The following TSC22D1 variants were observed in gnomAD, a reference collection of about 807,000 sequenced individuals.
TSC22D1 encodes TSC22 domain family member 1, also known as TSC22 domain family protein 1.
A neutral mutation model predicts 74.2 loss-of-function variants in TSC22D1; 9 were observed. The observed-to-expected ratio is 0.12, with a 90% CI of 0.07 to 0.21. The LOEUF is 0.21. Ranked by LOEUF, TSC22D1 falls within the 10% of genes least tolerant of loss-of-function variation. The pLI, the probability that TSC22D1 is intolerant of heterozygous loss-of-function variation, is 1.00. For missense variants in TSC22D1, 1,427 were observed against 1,304.7 expected (o/e 1.09, Z -1.44); for synonymous variants, 586 against 492.5 (o/e 1.19, Z -2.51).
chr13:44,476,755 C>T (rs1018635342), intron 1 of TSC22D1, among the ~76,000 whole-genome samples: 3 of 152,154 alleles, frequency 2.0e-5, no homozygotes, highest in African/African-American at 7.2e-5. Context: ...TGGCTCACTG[C>T]AGCCTCAACC....
chr13:44,572,327 T>C (rs1883825352), intron 1 of TSC22D1, among the ~76,000 whole-genome samples: 1 of 152,236 alleles, frequency 6.6e-6, no homozygotes, highest in South Asian at 2.1e-4. Flanking sequence ...GGTTTAATAA[T>C]GTACTTTAGG....
intron 1 of TSC22D1, among the ~76,000 whole-genome samples, chr13:44,468,000 G>GCACACACA (rs754334721): frequency 8.7e-6 from 1 of 115,058 alleles, no homozygotes; most frequent in South Asian, 2.7e-4. Flanking sequence ...ATACACACAC[G>GCACACACA]CGCACACACA....
intron 1 of TSC22D1, chr13:44,539,801 T>C (rs1881357377): frequency 7.8e-7 from 1 of 1,288,614 alleles, no homozygotes; most frequent in African/African-American, 1.5e-5. Context: ...CTCCAGAAGC[T>C]GGATATTCTG....
chr13:44,546,189 C>T (rs985484626), intron 1 of TSC22D1, among the ~76,000 whole-genome samples: 31 of 151,980 alleles, frequency 2.0e-4, no homozygotes, highest in African/African-American at 7.3e-4. Context: ...TCTGATCAAG[C>T]AAGAATCATC....
chr13:44,437,113 T>A, intron 1 of TSC22D1: 1 of 983,988 alleles, frequency 1.0e-6, no homozygotes. Context: ...ACTGGGCCAT[T>A]GCTTCGGCAG....
At chr13:44,549,391 G>T (rs1303940461) in intron 1 of TSC22D1, among the ~76,000 whole-genome samples, 1 of 152,068 alleles carries the variant, frequency 6.6e-6, no homozygotes, top group African/African-American at 2.4e-5. Flanking sequence ...CAGCAATTGA[G>T]CCTAAAGTGA....
At chr13:44,509,225 T>C (rs1879574310) in intron 1 of TSC22D1, among the ~76,000 whole-genome samples, 1 of 152,102 alleles carries the variant, frequency 6.6e-6, no homozygotes. Context: ...TCAATACCAG[T>C]GAATTCTGAA....
chr13:44,539,611 GAATGAGTACTAGTTAGCATTCTCAGA>G (rs1410370879), intron 1 of TSC22D1: 50 of 985,150 alleles, frequency 5.1e-5, no homozygotes, highest in Non-Finnish European at 5.7e-5. Flanking sequence ...TCTCATTTTT[GAATGAGTACTAGTTAGCATTCTCAGA>G]AAAACAAAAC....
At chr13:44,456,501 A>G (rs1876657175) in intron 1 of TSC22D1, among the ~76,000 whole-genome samples, 1 of 152,132 alleles carries the variant, frequency 6.6e-6, no homozygotes, top group Non-Finnish European at 1.5e-5. Context: ...CAGAGCACTG[A>G]TTGGTGCGTT....
chr13:44,488,229 T>C (rs981485005), intron 1 of TSC22D1, among the ~76,000 whole-genome samples: 3 of 152,118 alleles, frequency 2.0e-5, no homozygotes, highest in African/African-American at 7.2e-5. Flanking sequence ...TCTAATACAA[T>C]AGCTACTAGC....
rs746865790 is a variant in TSC22D1, at chr13:44,575,563, C to G, written c.512G>C (p.Ser171Thr). Residue 171 changes from serine to threonine, a missense_variant, in exon 1 of 3, where the codon AGC becomes ACC. By Grantham distance (58) the Ser-to-Thr change is moderately conservative. This residue lies in a region of TSC22D1 where 1,343 missense variants were observed against 1,191.5 expected (regional missense o/e 1.13). Transcript: ENST00000458659. Reference protein sequence around the residue: ...RATDLGEPERSSSEETLNNFQ... With the variant: ...RATDLGEPERTSSEETLNNFQ... ...GTTATTTAGGGTCTCTTCTGAGGAGCTGCGTTCGGGCTCCCCTAAGTCAGT... is the reference window on the plus strand; with the variant it reads ...GTTATTTAGGGTCTCTTCTGAGGAGGTGCGTTCGGGCTCCCCTAAGTCAGT... 1 of 1,614,046 alleles carries G rather than the reference C, an allele frequency of 6.2e-7. No homozygotes were observed. The highest frequency in any genetic ancestry group is 8.5e-7 in the Non-Finnish European group (1 of 1,180,030).
rs1016266101 is a variant in TSC22D1 at position 44,433,782 on chromosome 13, C to A, written c.*844G>T. 3.8e-6 allele frequency: 2 copies of A among 526,772 alleles called. No homozygotes were observed. Among genetic ancestry groups the A allele is most frequent in the African/African-American group, 4.0e-5 (2 of 49,668 alleles). 32.6% of individuals were successfully genotyped at this position (526,772 alleles called of 1,614,324 possible). On this transcript the variant is annotated 3_prime_UTR_variant, in exon 3 of 3. Coordinates refer to ENST00000458659, the MANE Select transcript of TSC22D1 (RefSeq NM_183422.4). ...TTCAGCAGCTAGATTTCAGATTACA[C>A]AAAGTGAGTAACTGTGCCAAATTCT...
At chr13:44,563,008 G>A (rs1188113943) in intron 1 of TSC22D1, among the ~76,000 whole-genome samples, 1 of 151,956 alleles carries the variant, frequency 6.6e-6, no homozygotes, top group African/African-American at 2.4e-5. Context: ...GGGAGGCTAA[G>A]GCAGGAGAAT....
rs1301690743 is a variant in TSC22D1, at chr13:44,459,244, C to T, written c.2913-23149G>A. Among the ~76,000 whole-genome samples, 3 of 152,156 alleles carry T rather than the reference C, an allele frequency of 2.0e-5. No homozygotes were observed. In the South Asian group the frequency reaches 6.2e-4, roughly 32 times the overall value. On this transcript the variant is annotated intron_variant, in intron 1 of 2. Coordinates refer to ENST00000458659, the MANE Select transcript of TSC22D1 (RefSeq NM_183422.4). ...AGGAGCGACCCACTTGGGGTCTGCT[C>T]GACTTGTGGGGAATGACCTGCCTGT...
Position 44,576,194 on chromosome 13 carries a change from C to T in TSC22D1, c.-120G>A, listed in dbSNP as rs914211172. Reference sequence around the variant, plus strand: ...GACGCTCCGCCTGGCGCGATTCCTCCTTCTCCTCCTCCTCAGCCAAAGGCG... The same window carrying T: ...GACGCTCCGCCTGGCGCGATTCCTCTTTCTCCTCCTCCTCAGCCAAAGGCG... On this transcript the variant is annotated 5_prime_UTR_variant, in exon 1 of 3. Transcript: ENST00000458659. The T allele has an allele frequency of 4.6e-5, 63 of 1,355,840 alleles. No individual in the cohort carries two copies. The highest frequency in any genetic ancestry group is 5.9e-5 in the Non-Finnish European group (61 of 1,030,400). The allele number at this position is 1,355,840 out of a possible 1,614,324, so 84.0% of individuals were successfully genotyped here. A position where few individuals can be genotyped will look rare whatever the true frequency, so the allele number is the denominator to read the frequency against.
chr13:44,459,209 G>A (rs569548154), intron 1 of TSC22D1, among the ~76,000 whole-genome samples: 5 of 152,316 alleles, frequency 3.3e-5, no homozygotes, highest in East Asian at 3.9e-4. Flanking sequence ...GGGGACTACC[G>A]GTTGCAGGAA....
intron 1 of TSC22D1, among the ~76,000 whole-genome samples, chr13:44,487,498 CAAAAAAAAAAA>C (rs61034237): frequency 3.4e-4 from 8 of 23,452 alleles, no homozygotes; most frequent in African/African-American, 1.7e-3. Context: ...GACTCCATCT[CAAAAAAAAAAA>C]AAAAAAAAAA....
chr13:44,511,974 C>T (rs934680208), intron 1 of TSC22D1, among the ~76,000 whole-genome samples: 3 of 152,134 alleles, frequency 2.0e-5, no homozygotes, highest in Non-Finnish European at 2.9e-5. Context: ...CAACCTTCTG[C>T]TTTTCTCATT....
intron 1 of TSC22D1, among the ~76,000 whole-genome samples, chr13:44,502,133 C>A (rs1879249266): frequency 6.6e-6 from 1 of 152,048 alleles, no homozygotes; most frequent in East Asian, 1.9e-4. Flanking sequence ...AGGTAATATG[C>A]TTATTAAGAA....
Sources: gnomAD v4.1 joint callset for allele counts (sites outside exome capture counted in the v4.1 genomes callset) on GRCh38, gnomAD v4.1.1 for gene constraint, gnomAD v4.1.1 regional missense constraint, MANE v1.5 for transcripts, NCBI Gene and HGNC (gene_info 2026-07-23, HGNC 2026-07-21) for gene names.